CDH19: variants seen among roughly 807,000 people sequenced by gnomAD.
CDH19 encodes cadherin 19.
In CDH19, 67 loss-of-function variants were observed where a neutral mutation model predicts 64.2. That is an observed-to-expected ratio of 1.04 (90% CI 0.86 to 1.28). CDH19 has a LOEUF of 1.28. Among genes scored for constraint, CDH19 ranks in the 50% most tolerant of loss-of-function variants. The pLI, the probability that CDH19 is intolerant of heterozygous loss-of-function variation, is 0.00. For synonymous variants in CDH19, 346 were observed against 319.3 expected (o/e 1.08, Z -0.89); for missense variants, 1,030 against 929.0 (o/e 1.11, Z -1.41).
chr18:66,528,012 A>C (rs1986292010), intron 9 of CDH19, among the ~76,000 whole-genome samples: 1 of 151,558 alleles, frequency 6.6e-6, no homozygotes, highest in Admixed American at 6.6e-5. Context: ...TATTTATAAT[A>C]ATTCTAGAAA....
At chr18:66,599,014 T>C (rs111901365) in intron 1 of CDH19, among the ~76,000 whole-genome samples, 2,835 of 152,232 alleles carry the variant, frequency 0.019, 91 homozygotes, top group South Asian at 0.1. Flanking sequence ...AATATAAAAT[T>C]GAATGTTTAG....
intron 2 of CDH19, among the ~76,000 whole-genome samples, chr18:66,569,609 A>G (rs1988035482): frequency 1.3e-5 from 2 of 151,720 alleles, no homozygotes; most frequent in South Asian, 4.1e-4. Context: ...TTCATCATTC[A>G]TACTGTTGAG....
intron 5 of CDH19, among the ~76,000 whole-genome samples, chr18:66,550,770 C>A (rs552838126): frequency 5.3e-5 from 8 of 152,148 alleles, no homozygotes; most frequent in African/African-American, 1.9e-4. Context: ...TTCTGCTAAC[C>A]CTTAAATGAA....
At chr18:66,546,555 A>G (rs1055353222) in intron 5 of CDH19, among the ~76,000 whole-genome samples, 14 of 152,164 alleles carry the variant, frequency 9.2e-5, no homozygotes, top group African/African-American at 2.9e-4. Context: ...TATTGAACAT[A>G]ATTTTTACAA....
In CDH19 at chr18:66,544,843, A is replaced by C. The variant is rs1987043971; in HGVS notation, c.836T>G (p.Met279Arg). 1.2e-6 allele frequency: 2 copies of C among 1,613,222 alleles called. No individual in the cohort carries two copies. The highest frequency in any genetic ancestry group is 4.5e-5 in the East Asian group (2 of 44,850). ...APTGTSIGTI[M>R]AYDNDIGENA... ...CTCTCCTATGTCATTATCATATGCC[A>C]TGATTGTTCCTATAGAAGTCCCAGT... The change falls in exon 6 of 12, where the codon ATG becomes AGG. Residue 279 changes from methionine to arginine, a missense_variant. Coordinates refer to ENST00000262150, the MANE Select transcript of CDH19 (RefSeq NM_021153.4).
chr18:66,544,503 A>G (rs1381081579), intron 6 of CDH19, among the ~76,000 whole-genome samples: 2 of 152,042 alleles, frequency 1.3e-5, no homozygotes. Context: ...GATATTTTCC[A>G]AAAAGTTTTA....
intron 9 of CDH19, among the ~76,000 whole-genome samples, chr18:66,524,525 TGCG>T (rs1986133404): frequency 7.1e-6 from 1 of 140,230 alleles, no homozygotes; most frequent in East Asian, 2.0e-4. Context: ...TCACAATATA[TGCG>T]TGTATGTTTG....
intron 10 of CDH19, 35 bp from the exon 11 acceptor site, chr18:66,509,281 C>T (rs553634152): frequency 6.3e-7 from 1 of 1,595,176 alleles, no homozygotes; most frequent in East Asian, 2.2e-5. Context: ...ATTTTTTCAA[C>T]TACGTAAGAG....
At chr18:66,577,652 T>C (rs1395965307) in intron 1 of CDH19, among the ~76,000 whole-genome samples, 1 of 151,950 alleles carries the variant, frequency 6.6e-6, no homozygotes, top group Admixed American at 6.6e-5. Flanking sequence ...TTAAAAACTG[T>C]TAAATTGGAC....
chr18:66,582,580 C>A (rs893472587), intron 1 of CDH19, among the ~76,000 whole-genome samples: 2 of 132,142 alleles, frequency 1.5e-5, no homozygotes, highest in Admixed American at 1.8e-4. Context: ...TGTGAAAGAT[C>A]ATTTTCTGTT....
rs1568177991 is a variant in CDH19 at position 66,524,562 on chromosome 18, AT to A, written c.1458+5282del. 2.7e-4 allele frequency among the ~76,000 whole-genome samples: 38 copies of A among 142,216 alleles called. 1 individual carries two copies. The highest frequency in any genetic ancestry group is 5.1e-4 in the Non-Finnish European group (33 of 64,588). The allele number at this position is 142,216 out of a possible 152,430, so 93.3% of individuals were successfully genotyped here. On this transcript the variant is annotated intron_variant, in intron 9 of 11. Transcript: ENST00000262150. ...TGTGTGTATATATATATATATATAT[AT>A]ATATATAAACATCATCATGCACCAT...
intron 1 of CDH19, among the ~76,000 whole-genome samples, chr18:66,595,052 C>T (rs1280612096): frequency 6.7e-6 from 1 of 149,640 alleles, no homozygotes; most frequent in African/African-American, 2.4e-5. Flanking sequence ...TCACTCAAAC[C>T]ATACAGTTAC....
chr18:66,543,127 G>T (rs1168573000), intron 7 of CDH19, among the ~76,000 whole-genome samples: 1 of 152,100 alleles, frequency 6.6e-6, no homozygotes, highest in African/African-American at 2.4e-5. Context: ...CTGGGTTCAC[G>T]CCATTCTCCT....
Position 66,535,027 on chromosome 18 carries a change from A to T in CDH19, c.1295T>A (p.Ile432Asn). 1.3e-6 allele frequency: 2 copies of T among 1,520,600 alleles called. No homozygotes were observed. Among genetic ancestry groups the T allele is most frequent in the Non-Finnish European group, 1.8e-6 (2 of 1,118,850 alleles). 94.2% of individuals were successfully genotyped at this position (1,520,600 alleles called of 1,614,324 possible). A position where few individuals can be genotyped will look rare whatever the true frequency, so the allele number is the denominator to read the frequency against. ...ITTSNSLDREISAWYNLSITA... is the reference protein window; with the variant it reads ...ITTSNSLDRENSAWYNLSITA... ...AATACTTAGGTTGTACCAAGCACTG[A>T]TTTCACGATCCAGTGAGTTACTTGT... Residue 432 changes from isoleucine to asparagine, a missense_variant, in exon 8 of 12, where the codon ATC (isoleucine) becomes AAC (asparagine). Ile to Asn is a moderately radical substitution (Grantham distance 149). Coordinates refer to ENST00000262150, the MANE Select transcript of CDH19 (RefSeq NM_021153.4).
intron 9 of CDH19, among the ~76,000 whole-genome samples, chr18:66,525,333 C>A (rs186315811): frequency 6.6e-6 from 1 of 152,102 alleles, no homozygotes; most frequent in East Asian, 1.9e-4. Flanking sequence ...ATGAGCTATG[C>A]CTTATTACCT....
chr18:66,581,904 T>G (rs766429198), intron 1 of CDH19, among the ~76,000 whole-genome samples: 2 of 152,120 alleles, frequency 1.3e-5, no homozygotes, highest in Non-Finnish European at 2.9e-5. Context: ...TAATACAATA[T>G]TTTATTTAAT....
rs1193475916 is a variant in CDH19 at position 66,572,058 on chromosome 18, T to C, written c.147A>G (p.Gln49=). 1 of 1,611,334 alleles carries C rather than the reference T, an allele frequency of 6.2e-7. No homozygotes were observed. Among genetic ancestry groups the C allele is most frequent in the Middle Eastern group, 1.7e-4 (1 of 6,044 alleles). The change falls in exon 2 of 12, where the codon CAA becomes CAG. Residue 49 remains glutamine, a synonymous_variant. Coordinates refer to ENST00000262150, the MANE Select transcript of CDH19 (RefSeq NM_021153.4). ...LRVKRGWVWN[Q]FFVPEEMNTT... ...TATTCATTTCCTCTGGTACAAAAAA[T>C]TGGTTCCACACCCAGCCACGCTTCA...
Position 66,596,159 on chromosome 18 carries a change from C to A in CDH19, c.-113+7795G>T, listed in dbSNP as rs1599046078. On this transcript the variant is annotated intron_variant, in intron 1 of 11. Coordinates refer to ENST00000262150, the MANE Select transcript of CDH19 (RefSeq NM_021153.4). ...AAAAAAAGGCATAAAAGGGACATAC[C>A]TGAAATATAATAAGAGCCATCTATG... 4 of 152,008 alleles carry A rather than the reference C, an allele frequency of 2.6e-5. 1 individual carries two copies. In the Middle Eastern group the frequency reaches 0.01, roughly 388 times the overall value. 9.4% of individuals were successfully genotyped at this position (152,008 alleles called of 1,614,324 possible).
rs767788521 is a variant in CDH19 at position 66,502,276 on chromosome 18, G to A, written c.*2536C>T. On this transcript the variant is annotated 3_prime_UTR_variant, in exon 12 of 12. Transcript: ENST00000262150. Reference sequence around the variant, plus strand: ...TAGACTACCAAAGAGATGAGCAATCGTGTCTGTGCTTTCCCTGTGTATCCT... The same window carrying A: ...TAGACTACCAAAGAGATGAGCAATCATGTCTGTGCTTTCCCTGTGTATCCT... 16 of 151,952 alleles carry A rather than the reference G, an allele frequency of 1.1e-4. No individual in the cohort carries two copies. The highest frequency in any genetic ancestry group is 3.3e-4 in the Admixed American group (5 of 15,216). The allele number at this position is 151,952 out of a possible 1,614,324, so 9.4% of individuals were successfully genotyped here.
Sources: gnomAD v4.1 joint callset for allele counts (sites outside exome capture counted in the v4.1 genomes callset) on GRCh38, gnomAD v4.1.1 for gene constraint, MANE v1.5 for transcripts, NCBI Gene and HGNC (gene_info 2026-07-23, HGNC 2026-07-21) for gene names.